Variants in MAP4K1 observed in about 807,000 individuals in gnomAD.
MAP4K1 encodes the protein mitogen-activated protein kinase kinase kinase kinase 1, also known as MAPK/ERK kinase kinase kinase 1.
MAP4K1 carries 35 observed loss-of-function variants against 122.8 expected under a neutral mutation model. The observed-to-expected ratio is 0.29, with a 90% CI of 0.22 to 0.38. The LOEUF is 0.38. Among genes scored for constraint, MAP4K1 ranks in the 10% least tolerant of loss-of-function variants. The probability of loss-of-function intolerance (pLI) is 1.00; values close to 1 mark genes in which losing one functional copy is unlikely to be tolerated. For synonymous variants in MAP4K1, 412 were observed against 421.3 expected (o/e 0.98, Z 0.27); for missense variants, 791 against 1,072.6 (o/e 0.74, Z 3.67).
chr19:38,596,437 G>A lies in MAP4K1; in HGVS notation c.1991C>T (p.Thr664Ile). ...PTPLSVFALL[T>I]GPGSELPAVC... is the part of the protein sequence containing the mutation. ...AGCGGGCAGCTCAGAGCCTGGCCCGGTCAGCAGCGCGAACACGGACAGAGG... is the reference window on the plus strand; with the variant it reads ...AGCGGGCAGCTCAGAGCCTGGCCCGATCAGCAGCGCGAACACGGACAGAGG... The change falls in exon 26 of 31, where the codon ACC becomes ATC. Residue 664 changes from threonine (T) to isoleucine (I), a missense_variant. Thr to Ile is a moderately conservative substitution (Grantham distance 89). Around this residue, in one of 4 missense-constraint regions of MAP4K1, gnomAD observed 267 missense variants for 323.0 expected, o/e 0.83. Coordinates refer to ENST00000396857, the MANE Select transcript of MAP4K1 (RefSeq NM_001042600.3). 6.3e-7 allele frequency: 1 copy of A among 1,590,340 alleles called. No individual in the cohort carries two copies.
At chr19:38,590,393 AAATATATATATAT>A (rs1391211673) in intron 30 of MAP4K1, among the ~76,000 whole-genome samples, 1 of 37,060 alleles carries the variant, frequency 2.7e-5, no homozygotes, top group African/African-American at 1.4e-4. Flanking sequence ...AAAAAAAAAA[AAATATATATATAT>A]ATATATATAT....
At chr19:38,596,064 C>G in intron 26 of MAP4K1, 63 bp from the exon 27 acceptor site, 2 of 1,528,206 alleles carry the variant, frequency 1.3e-6, no homozygotes, top group Non-Finnish European at 1.8e-6. Flanking sequence ...ACACCACCCC[C>G]AGAAGGCCAG....
At position 38,614,027 on chromosome 19, in the gene MAP4K1, C is replaced by T; in HGVS notation, c.460+16G>A. The T allele has an allele frequency of 6.2e-7, 1 of 1,613,388 alleles. No individual in the cohort carries two copies. The highest frequency in any genetic ancestry group is 8.5e-7 in the Non-Finnish European group (1 of 1,179,742). ...CCCCCAGTCAGCCCCCCTGCTCAAC[C>T]CCCAGCCTTACTCACCCAATCTGAC... On this transcript the variant is annotated intron_variant, in intron 7 of 30. Coordinates refer to ENST00000396857, the MANE Select transcript of MAP4K1 (RefSeq NM_001042600.3).
intron 25 of MAP4K1, among the ~76,000 whole-genome samples, chr19:38,596,710 C>G (rs1974898379): frequency 6.6e-6 from 1 of 152,242 alleles, no homozygotes; most frequent in Admixed American, 6.5e-5. Context: ...TGGCGGCAGA[C>G]GGGCAGGGCC....
intron 30 of MAP4K1, 110 bp downstream of exon 30, chr19:38,593,172 A>G: frequency 1.0e-6 from 1 of 972,644 alleles, no homozygotes; most frequent in Non-Finnish European, 1.5e-6. Context: ...CAGGGTGACC[A>G]GGTGAGACAC....
intron 19 of MAP4K1, among the ~76,000 whole-genome samples, chr19:38,604,311 AT>A (rs1975258501): frequency 1.3e-5 from 2 of 152,098 alleles, no homozygotes; most frequent in Admixed American, 1.3e-4. Context: ...GTACATCTCC[AT>A]TTATGAGAGG....
chr19:38,615,142 C>T (rs2144744803), intron 4 of MAP4K1, among the ~76,000 whole-genome samples: 1 of 151,630 alleles, frequency 6.6e-6, no homozygotes, highest in South Asian at 2.1e-4. Flanking sequence ...AGGGCTCCCA[C>T]TCTGAGTGGG....
At chr19:38,613,993 G>T in intron 7 of MAP4K1, 41 bp from the exon 8 acceptor site, 1 of 1,612,750 alleles carries the variant, frequency 6.2e-7, no homozygotes, top group Non-Finnish European at 8.5e-7. Flanking sequence ...GGTCCACTGC[G>T]CTTCCGGCCC....
chr19:38,595,237 C>T (rs146017471), intron 29 of MAP4K1, among the ~76,000 whole-genome samples: 3,648 of 151,980 alleles, frequency 0.024, 64 homozygotes, highest in South Asian at 0.04. Context: ...TGCAGTGAGC[C>T]GGGATCGCAC....
rs143105497 is a variant in MAP4K1 at position 38,616,375 on chromosome 19, T to A, written c.249-116A>T. The stretch of plus-strand genomic sequence containing the variant: ...TCAATAAGAACTTTAACGTAACAGC[T>A]CTCATCACTCCACCTCTCCTTGTCT... On this transcript the variant is annotated intron_variant, in intron 3 of 30. Coordinates refer to ENST00000396857, the MANE Select transcript of MAP4K1 (RefSeq NM_001042600.3). 725 of 663,248 alleles carry A rather than the reference T, an allele frequency of 1.1e-3. 4 individuals are homozygous for A. The African/African-American group carries it at 0.012, about 11-fold the overall frequency. 41.1% of individuals were successfully genotyped at this position (663,248 alleles called of 1,614,324 possible).
intron 4 of MAP4K1, among the ~76,000 whole-genome samples, chr19:38,615,384 C>CAGAGACAGAG (rs934775368): frequency 1.5e-5 from 2 of 130,224 alleles, no homozygotes; most frequent in African/African-American, 5.3e-5. Context: ...AGGAAAGGCA[C>CAGAGACAGAG]AGAGACAGAG....
At chr19:38,611,631 A>C (rs1975501086) in intron 9 of MAP4K1, among the ~76,000 whole-genome samples, 1 of 152,050 alleles carries the variant, frequency 6.6e-6, no homozygotes, top group Non-Finnish European at 1.5e-5. Flanking sequence ...TTTTTTTTAA[A>C]TAGCTGGGTG....
chr19:38,604,128 C>CAAA (rs200072842), intron 19 of MAP4K1, among the ~76,000 whole-genome samples: 2,842 of 53,286 alleles, frequency 0.053, 198 homozygotes, highest in African/African-American at 0.064. Context: ...GATACTATCT[C>CAAA]AAAAAAAAAA....
intron 27 of MAP4K1, 72 bp from the exon 28 acceptor site, chr19:38,595,801 T>C: frequency 6.7e-7 from 1 of 1,495,454 alleles, no homozygotes; most frequent in Non-Finnish European, 9.3e-7. Flanking sequence ...AATCCATAAA[T>C]TCAGTGTGAA....
chr19:38,595,158 G>A (rs1974834730), intron 29 of MAP4K1, among the ~76,000 whole-genome samples: 1 of 149,900 alleles, frequency 6.7e-6, no homozygotes, highest in South Asian at 2.1e-4. Flanking sequence ...CTGTGGTGGC[G>A]CATGCCTGTA....
chr19:38,609,908 C>T lies in MAP4K1; in HGVS notation c.927+1G>A. ...GTGCTCTTGTCAGCCAAGGCTCTCA[C>T]CTCGGGCTCCTCATCCTCAATGTCC... On this transcript the variant is annotated splice_donor_variant, in intron 12 of 30. Coordinates refer to ENST00000396857, the MANE Select transcript of MAP4K1 (RefSeq NM_001042600.3). LOFTEE classifies it high-confidence loss of function. The T allele has an allele frequency of 6.2e-7, 1 of 1,613,216 alleles. No individual in the cohort carries two copies. The highest frequency in any genetic ancestry group is 8.5e-7 in the Non-Finnish European group (1 of 1,179,122).
intron 16 of MAP4K1, among the ~76,000 whole-genome samples, chr19:38,607,208 CTG>C (rs1975353741): frequency 6.6e-6 from 1 of 151,736 alleles, no homozygotes. Flanking sequence ...GGGGTCAGCT[CTG>C]GGGTGGAGAG....
At chr19:38,602,377 C>CATAT (rs530502291) in intron 19 of MAP4K1, among the ~76,000 whole-genome samples, 3 of 149,986 alleles carry the variant, frequency 2.0e-5, no homozygotes, top group East Asian at 2.0e-4. Context: ...GCCTGGCCAG[C>CATAT]ATATATATAT....
rs187367290 is a variant in MAP4K1, at chr19:38,601,740, A to G, written c.1447-215T>C. ...TTGTTTTTTTTTGTTGTTGTTATATATTTCTTTTTTTAGTTTTTCCTCCAC... is the reference window on the plus strand; with the variant it reads ...TTGTTTTTTTTTGTTGTTGTTATATGTTTCTTTTTTTAGTTTTTCCTCCAC... On this transcript the variant is annotated intron_variant, in intron 19 of 30. Coordinates refer to ENST00000396857, the MANE Select transcript of MAP4K1 (RefSeq NM_001042600.3). The G allele has an allele frequency of 1.3e-5, 7 of 526,748 alleles. No homozygotes were observed. The African/African-American group carries it at 1.4e-4, about 11-fold the overall frequency. The allele number at this position is 526,748 out of a possible 1,614,324, so 32.6% of individuals were successfully genotyped here.
Sources: gnomAD v4.1 joint callset for allele counts (sites outside exome capture counted in the v4.1 genomes callset) on GRCh38, gnomAD v4.1.1 for gene constraint, gnomAD v4.1.1 regional missense constraint, MANE v1.5 for transcripts, NCBI Gene and HGNC (gene_info 2026-07-23, HGNC 2026-07-21) for gene names.